Variants in ULK1 observed in about 807,000 individuals in gnomAD.
ULK1 encodes the protein unc-51 like autophagy activating kinase 1, also known as serine/threonine-protein kinase ULK1.
A neutral mutation model predicts 117.5 loss-of-function variants in ULK1; 48 were observed. That is an observed-to-expected ratio of 0.41 (90% CI 0.32 to 0.52). The LOEUF (loss-of-function observed/expected upper bound fraction) is 0.52. Ranked by LOEUF, ULK1 falls within the 20% of genes least tolerant of loss-of-function variation. The probability of loss-of-function intolerance (pLI) is 0.29; values close to 1 mark genes in which losing one functional copy is unlikely to be tolerated. For synonymous variants in ULK1, 790 were observed against 637.8 expected (o/e 1.24, Z -3.60); for missense variants, 1,387 against 1,473.4 (o/e 0.94, Z 0.96).
chr12:131,909,190 A>G lies in ULK1; in HGVS notation c.619A>G (p.Ile207Val), dbSNP rs1889410487. 1 of 1,609,994 alleles carries G rather than the reference A, an allele frequency of 6.2e-7. No homozygotes were observed. Among genetic ancestry groups the G allele is most frequent in the Non-Finnish European group, 8.5e-7 (1 of 1,178,694 alleles). Residue 207 changes from isoleucine (I) to valine (V), a missense_variant, in exon 8 of 28, where the codon ATC becomes GTC. Physicochemically the swap from Ile to Val is conservative, Grantham distance 29 (BLOSUM62 3). Coordinates refer to ENST00000321867, the MANE Select transcript of ULK1 (RefSeq NM_003565.4). ...CGACGGGAAGGCGGACCTGTGGAGC[A>G]TCGGCACCATCGTCTACCAGTGCCT... ...HYDGKADLWS[I>V]GTIVYQCLTG...
chr12:131,920,166 G>C (rs1471645720), intron 26 of ULK1, 30 bp downstream of exon 26: 1 of 1,602,022 alleles, frequency 6.2e-7, no homozygotes, highest in East Asian at 2.2e-5. Flanking sequence ...CAGTGGGGCA[G>C]GGGCCAGGAA....
chr12:131,905,389 T>A (rs987145218), intron 3 of ULK1, among the ~76,000 whole-genome samples: 1 of 151,732 alleles, frequency 6.6e-6, no homozygotes, highest in Middle Eastern at 3.2e-3. Flanking sequence ...TGAGCAGGGG[T>A]CCTGTGTGGG....
intron 26 of ULK1, 92 bp downstream of exon 26, chr12:131,920,228 G>A (rs1890091647): frequency 6.7e-7 from 1 of 1,485,360 alleles, no homozygotes; most frequent in African/African-American, 1.4e-5. Flanking sequence ...CCACAGCGTG[G>A]TGAGACTTTG....
Position 131,920,024 on chromosome 12 carries a change from G to A in ULK1, c.2849G>A (p.Cys950Tyr). The change falls in exon 26 of 28, where the codon TGC (cysteine) becomes TAC (tyrosine). Residue 950 changes from cysteine (C) to tyrosine (Y), a missense_variant. By Grantham distance (194) the Cys-to-Tyr change is radical (BLOSUM62 -2). Coordinates refer to ENST00000321867, the MANE Select transcript of ULK1 (RefSeq NM_003565.4). ...NELYKASVVS[C>Y]QGLSLRLQRF... ...CTGTACAAGGCCAGCGTGGTGTCCT[G>A]CCAGGGCCTGAGCCTGCGGCTGCAG... 1 of 1,612,856 alleles carries A rather than the reference G, an allele frequency of 6.2e-7. No individual in the cohort carries two copies. Among genetic ancestry groups the A allele is most frequent in the Non-Finnish European group, 8.5e-7 (1 of 1,179,964 alleles).
intron 3 of ULK1, chr12:131,896,385 C>T (rs1224350255): frequency 6.3e-6 from 1 of 158,556 alleles, no homozygotes; most frequent in Non-Finnish European, 1.4e-5. Flanking sequence ...TTTCGTGCTG[C>T]CTCCGTGTCC....
intron 23 of ULK1, among the ~76,000 whole-genome samples, chr12:131,918,968 C>CAGGGTGTGGGGTGA (rs1890018917): frequency 6.8e-5 from 1 of 14,660 alleles, no homozygotes; most frequent in East Asian, 1.7e-3. Flanking sequence ...GTGTGGGGTG[C>CAGGGTGTGGGGTGA]AGGGTGTGTG....
chr12:131,917,371 G>GGCTC (rs1566127322), intron 21 of ULK1, 40 bp from the exon 22 acceptor site: 3 of 1,313,780 alleles, frequency 2.3e-6, no homozygotes, highest in African/African-American at 3.6e-5. Context: ...GGGGGTCGGC[G>GGCTC]GGAGTCAGGA....
chr12:131,909,253 C>A lies in ULK1; in HGVS notation c.666+16C>A. The A allele has an allele frequency of 6.4e-7, 1 of 1,566,998 alleles. No homozygotes were observed. The highest frequency in any genetic ancestry group is 1.2e-5 in the South Asian group (1 of 85,576). On this transcript the variant is annotated intron_variant, in intron 8 of 27. Coordinates refer to ENST00000321867, the MANE Select transcript of ULK1 (RefSeq NM_003565.4). ...GCCCTTCCAGGTAACTGGGCTTGGCCCTGCTCCCCACGCCGCACCGTCAGT... is the reference window on the plus strand; with the variant it reads ...GCCCTTCCAGGTAACTGGGCTTGGCACTGCTCCCCACGCCGCACCGTCAGT...
chr12:131,917,661 C>A, intron 22 of ULK1, 107 bp downstream of exon 22: 2 of 1,140,512 alleles, frequency 1.8e-6, no homozygotes, highest in Non-Finnish European at 2.2e-6. Context: ...CCCCCCAGAG[C>A]CCAGGGGTGC....
At position 131,909,122 on chromosome 12, in the gene ULK1, T is replaced by C; in HGVS notation, c.565-14T>C. 1 of 1,603,500 alleles carries C rather than the reference T, an allele frequency of 6.2e-7. No individual in the cohort carries two copies. Among genetic ancestry groups the C allele is most frequent in the Non-Finnish European group, 8.5e-7 (1 of 1,175,826 alleles). ...TGCGGGGGCCTCACACTGACCCGAC[T>C]TCTGGTCCCGCAGGCCCCCGAGGTC... On this transcript the variant is annotated splice_polypyrimidine_tract_variant and intron_variant, in intron 7 of 27. Coordinates refer to ENST00000321867, the MANE Select transcript of ULK1 (RefSeq NM_003565.4).
At chr12:131,907,642 C>G in intron 5 of ULK1, 111 bp downstream of exon 5, 2 of 1,332,156 alleles carry the variant, frequency 1.5e-6, no homozygotes, top group Non-Finnish European at 2.0e-6. Flanking sequence ...GTCCTTGGCT[C>G]ATTGTGAGAT....
In ULK1 at chr12:131,907,180, C is replaced by G. The variant is rs546788706; in HGVS notation, c.279+256C>G. The stretch of plus-strand genomic sequence containing the variant: ...AATTACAGGTGTGTGCCACCACGCC[C>G]GGCTAATTTTTATACTTTTAGTAGA... On this transcript the variant is annotated intron_variant, in intron 4 of 27. Transcript: ENST00000321867. Among the ~76,000 whole-genome samples the G allele has an allele frequency of 2.0e-3, 302 of 152,276 alleles. 1 individual carries two copies. Among genetic ancestry groups the G allele is most frequent in the African/African-American group, 6.5e-3 (270 of 41,562 alleles).
intron 13 of ULK1, 129 bp downstream of exon 13, chr12:131,912,218 C>G: frequency 7.3e-7 from 1 of 1,373,562 alleles, no homozygotes; most frequent in Admixed American, 2.6e-5. Flanking sequence ...CTGGGAGCCA[C>G]CGGCATCGGC....
intron 23 of ULK1, 79 bp from the exon 24 acceptor site, chr12:131,919,133 G>A (rs909516024): frequency 1.2e-4 from 178 of 1,472,672 alleles, no homozygotes; most frequent in Middle Eastern, 2.5e-4. Context: ...TCCCCAAGGC[G>A]TCATCGGTGA....
Position 131,895,119 on chromosome 12 carries a change from C to G in ULK1, c.111+7C>G, listed in dbSNP as rs1343831704. On this transcript the variant is annotated splice_region_variant and intron_variant, in intron 1 of 27. Transcript: ENST00000321867. The stretch of plus-strand genomic sequence containing the variant: ...CAAGGGCCGCCACCGCGAGGTGAGG[C>G]CCCCGTCCGGCCCGGGATCCCCCGC... 1 of 1,528,174 alleles carries G rather than the reference C, an allele frequency of 6.5e-7. No homozygotes were observed. The highest frequency in any genetic ancestry group is 8.7e-7 in the Non-Finnish European group (1 of 1,145,116). 94.7% of individuals were successfully genotyped at this position (1,528,174 alleles called of 1,614,324 possible). A position where few individuals can be genotyped will look rare whatever the true frequency, so the allele number is the denominator to read the frequency against.
At position 131,919,964 on chromosome 12, in the gene ULK1, C is replaced by T; in HGVS notation, c.2804-15C>T. ...GTCTGCTGCACCCTGAGCTGACCACCCTCGTCCTTTGCAGTGGTGCGCAGG... is the reference window on the plus strand; with the variant it reads ...GTCTGCTGCACCCTGAGCTGACCACTCTCGTCCTTTGCAGTGGTGCGCAGG... On this transcript the variant is annotated splice_polypyrimidine_tract_variant and intron_variant, in intron 25 of 27. Transcript: ENST00000321867. The T allele has an allele frequency of 1.2e-6, 2 of 1,610,694 alleles. No individual in the cohort carries two copies. Among genetic ancestry groups the T allele is most frequent in the South Asian group, 1.1e-5 (1 of 91,016 alleles).
intron 26 of ULK1, 169 bp downstream of exon 26, chr12:131,920,305 G>A (rs767032664): frequency 6.3e-5 from 55 of 877,626 alleles, no homozygotes; most frequent in South Asian, 1.4e-4. Flanking sequence ...GCAGGCGCTC[G>A]CAGCTCGGCT....
intron 26 of ULK1, chr12:131,920,541 C>T (rs1035635038): frequency 1.4e-5 from 3 of 221,068 alleles, no homozygotes; most frequent in Non-Finnish European, 2.7e-5. Context: ...GCTCCCTCTG[C>T]CTCTGAGGTG....
intron 18 of ULK1, 36 bp from the exon 19 acceptor site, chr12:131,915,855 G>C: frequency 3.7e-6 from 6 of 1,603,264 alleles, no homozygotes; most frequent in Non-Finnish European, 5.1e-6. Flanking sequence ...TGGGCCGCCG[G>C]ACCGGAAGGT....
Sources: gnomAD v4.1 joint callset for allele counts (sites outside exome capture counted in the v4.1 genomes callset) on GRCh38, gnomAD v4.1.1 for gene constraint, MANE v1.5 for transcripts, NCBI Gene and HGNC (gene_info 2026-07-23, HGNC 2026-07-21) for gene names.